TENM1: variants seen among roughly 807,000 people sequenced by gnomAD.
TENM1 encodes teneurin transmembrane protein 1.
Under a neutral mutation model 174.8 loss-of-function variants are expected in TENM1, and 35 were observed. The observed-to-expected ratio is 0.20, with a 90% CI of 0.15 to 0.27. TENM1 has a LOEUF of 0.27. TENM1 is among the 10% of genes least tolerant of loss of function. TENM1 has a pLI of 1.00. For missense variants in TENM1, 1,633 were observed against 2,130.1 expected, an observed-to-expected ratio of 0.77 and a Z score of 4.59; for synonymous variants, 781 against 798.7, an observed-to-expected ratio of 0.98 and a Z score of 0.37.
intron 11 of TENM1, among the ~76,000 whole-genome samples, chrX:124,589,428 CT>C (rs1350163919): frequency 1.8e-5 from 2 of 109,945 alleles, no homozygotes; most frequent in African/African-American, 6.6e-5. Context: ...GTGATGTTGC[CT>C]TCATAGAATT....
intron 16 of TENM1, among the ~76,000 whole-genome samples, chrX:124,524,479 A>G (rs983477898): frequency 1.8e-5 from 2 of 112,112 alleles, no homozygotes; most frequent in African/African-American, 3.2e-5. Context: ...GACAATTGTT[A>G]GGGAAAATTT....
chrX:124,491,147 G>C (rs779940141), intron 20 of TENM1, among the ~76,000 whole-genome samples: 1 of 111,996 alleles, frequency 8.9e-6, no homozygotes, highest in East Asian at 2.8e-4. Context: ...TTTCACAAAC[G>C]CAGATTTTGG....
rs749891866 is a variant in TENM1, at chrX:124,671,660, A to G, written c.1168+23T>C. The stretch of plus-strand genomic sequence containing the variant: ...CAAATTAGAAGAAAAGTAATCAACA[A>G]TCAATCATTTTGATCACTGTACCTT... On this transcript the variant is annotated intron_variant, in intron 6 of 31. Coordinates refer to ENST00000422452, the Ensembl canonical transcript of TENM1. The G allele has an allele frequency of 1.6e-5, 19 of 1,189,902 alleles. No individual in the cohort carries two copies. In the East Asian group the frequency reaches 5.4e-4, roughly 34 times the overall value.
At chrX:124,875,433 T>C (rs2057181144) in intron 3 of TENM1, among the ~76,000 whole-genome samples, 4 of 110,628 alleles carry the variant, frequency 3.6e-5, no homozygotes, top group Non-Finnish European at 5.7e-5. Context: ...TTTTTAGATA[T>C]ACAATTATAT....
the TENM1 span, among the ~76,000 whole-genome samples, chrX:125,032,319 G>A: frequency 9.1e-6 from 1 of 110,095 alleles, no homozygotes; most frequent in African/African-American, 3.3e-5. Flanking sequence ...ACAGGCATGA[G>A]CCACCACACC....
chrX:124,938,665 CTT>C (rs1419482679), intron 1 of TENM1, among the ~76,000 whole-genome samples: 1 of 111,863 alleles, frequency 8.9e-6, no homozygotes, highest in Non-Finnish European at 1.9e-5. Flanking sequence ...TTTGAAATCT[CTT>C]TTCTTCATGC....
the TENM1 span, among the ~76,000 whole-genome samples, chrX:125,127,512 T>C: frequency 3.6e-5 from 4 of 111,723 alleles, no homozygotes; most frequent in Non-Finnish European, 7.5e-5. Flanking sequence ...TTGTGCTGTC[T>C]ATAAAAAGAA....
At chrX:125,051,644 T>G in the TENM1 span, among the ~76,000 whole-genome samples, 11,342 of 103,737 alleles carry the variant, frequency 0.11, 636 homozygotes, top group South Asian at 0.14. Context: ...TAGCCATATG[T>G]AGAAAGCTGA....
chrX:124,689,051 A>G (rs1432467720), intron 5 of TENM1, among the ~76,000 whole-genome samples: 1 of 111,872 alleles, frequency 8.9e-6, no homozygotes, highest in Non-Finnish European at 1.9e-5. Flanking sequence ...TACCTCAATA[A>G]ATATGGAAGG....
intron 9 of TENM1, among the ~76,000 whole-genome samples, chrX:124,646,417 G>A (rs1292649404): frequency 8.9e-6 from 1 of 112,334 alleles, no homozygotes; most frequent in Non-Finnish European, 1.9e-5. Context: ...AGGTAACCCT[G>A]GTTAAGTCAC....
the TENM1 span, among the ~76,000 whole-genome samples, chrX:125,150,035 GA>G: frequency 9.0e-6 from 1 of 110,968 alleles, no homozygotes; most frequent in Non-Finnish European, 1.9e-5. Context: ...TGAAGGATAA[GA>G]GAATTAATGA....
At chrX:124,627,450 G>A (rs754750074) in intron 11 of TENM1, among the ~76,000 whole-genome samples, 5 of 111,698 alleles carry the variant, frequency 4.5e-5, no homozygotes, top group East Asian at 2.8e-4. Flanking sequence ...ATATGACCTC[G>A]TGGGAAAATG....
upstream of TENM1, among the ~76,000 whole-genome samples, chrX:124,968,793 G>C (rs1342382735): frequency 8.9e-6 from 1 of 111,995 alleles, no homozygotes; most frequent in East Asian, 2.8e-4. Flanking sequence ...AATTATGTGT[G>C]CCTAGAGTTG....
At chrX:124,853,109 G>C (rs1402428734) in intron 3 of TENM1, among the ~76,000 whole-genome samples, 1 of 111,821 alleles carries the variant, frequency 8.9e-6, no homozygotes, top group Admixed American at 9.5e-5. Context: ...GCCCTATGGA[G>C]TTTATATTCT....
At chrX:124,586,897 GACAA>G (rs1174852287) in intron 11 of TENM1, among the ~76,000 whole-genome samples, 3 of 109,466 alleles carry the variant, frequency 2.7e-5, no homozygotes, top group Non-Finnish European at 5.7e-5. Flanking sequence ...ACCAATAACA[GACAA>G]ACAGAGAGCC....
chrX:124,966,498 T>C (rs2058727486), upstream of TENM1, among the ~76,000 whole-genome samples: 1 of 108,975 alleles, frequency 9.2e-6, no homozygotes, highest in East Asian at 2.9e-4. Context: ...CCATCTCTAC[T>C]AAAAATACAA....
At chrX:125,114,441 ATGAACCCAGGAGCTGGTTTTT>A in the TENM1 span, among the ~76,000 whole-genome samples, 1 of 111,544 alleles carries the variant, frequency 9.0e-6, no homozygotes, top group East Asian at 2.8e-4. Context: ...GAAAAAATCA[ATGAACCCAGGAGCTGGTTTTT>A]TGAAAAGATT....
chrX:124,928,854 C>T (rs1569483136), intron 1 of TENM1, among the ~76,000 whole-genome samples: 1 of 111,542 alleles, frequency 9.0e-6, no homozygotes, highest in Non-Finnish European at 1.9e-5. Flanking sequence ...GCTATGCTCC[C>T]ACCTTTCATC....
the TENM1 span, among the ~76,000 whole-genome samples, chrX:125,108,940 G>C: frequency 9.1e-6 from 1 of 110,460 alleles, no homozygotes; most frequent in Non-Finnish European, 1.9e-5. Context: ...TCCCAAGACT[G>C]TACTAAAGTC....
Sources: allele counts gnomAD v4.1 joint callset (sites outside exome capture counted in the v4.1 genomes callset), GRCh38; gene constraint gnomAD v4.1.1; transcripts MANE v1.5; gene names NCBI Gene and HGNC (gene_info 2026-07-23, HGNC 2026-07-21).